ROBO2: variants seen among roughly 807,000 people sequenced by gnomAD.
The protein encoded by ROBO2 is roundabout homolog 2.
ROBO2 carries 53 observed loss-of-function variants against 160.8 expected under a neutral mutation model. That is an observed-to-expected ratio of 0.33 (90% CI 0.26 to 0.41). ROBO2 has a LOEUF of 0.41. Ranked by LOEUF, ROBO2 falls within the 10% of genes least tolerant of loss-of-function variation. The probability of loss-of-function intolerance (pLI) is 1.00; values close to 1 mark genes in which losing one functional copy is unlikely to be tolerated. For synonymous variants in ROBO2, 664 were observed against 611.7 expected (o/e 1.09, Z -1.26); for missense variants, 1,577 against 1,722.4 (o/e 0.92, Z 1.49).
intron 2 of ROBO2, among the ~76,000 whole-genome samples, chr3:77,341,287 A>C (rs1319004643): frequency 6.6e-6 from 1 of 152,106 alleles, no homozygotes; most frequent in Non-Finnish European, 1.5e-5. Context: ...CAGAGGTGAA[A>C]TCATTATATA....
chr3:77,431,162 C>T (rs1010052026), intron 2 of ROBO2, among the ~76,000 whole-genome samples: 1 of 152,152 alleles, frequency 6.6e-6, no homozygotes, highest in Non-Finnish European at 1.5e-5. Flanking sequence ...TGAGTTTCAG[C>T]CGGAGCTGGT....
intron 2 of ROBO2, among the ~76,000 whole-genome samples, chr3:76,582,319 C>T (rs1352649295): frequency 6.6e-6 from 1 of 152,012 alleles, no homozygotes; most frequent in Non-Finnish European, 1.5e-5. Context: ...GATGTTTAGC[C>T]TGCTAGTAAT....
chr3:76,397,545 A>G (rs1304421794), intron 2 of ROBO2, among the ~76,000 whole-genome samples: 2 of 151,242 alleles, frequency 1.3e-5, no homozygotes, highest in Non-Finnish European at 3.0e-5. Context: ...GCAACCTACA[A>G]AATGGGAGAA....
intron 2 of ROBO2, among the ~76,000 whole-genome samples, chr3:76,400,498 C>T (rs984597617): frequency 6.6e-6 from 1 of 151,428 alleles, no homozygotes; most frequent in Non-Finnish European, 1.5e-5. Context: ...TTGGTTTGGA[C>T]ACTGAAATAC....
intron 2 of ROBO2, among the ~76,000 whole-genome samples, chr3:77,154,231 TG>T (rs2077782934): frequency 6.6e-6 from 1 of 152,084 alleles, no homozygotes; most frequent in Non-Finnish European, 1.5e-5. Flanking sequence ...TTTCTAAACA[TG>T]GGTTTTTCTT....
chr3:77,391,305 C>CT, intron 2 of ROBO2, among the ~76,000 whole-genome samples: 1 of 151,998 alleles, frequency 6.6e-6, no homozygotes, highest in East Asian at 1.9e-4. Context: ...AAACAAAAAG[C>CT]TTTTTTAAGA....
intron 2 of ROBO2, among the ~76,000 whole-genome samples, chr3:76,223,308 C>T (rs1704086777): frequency 6.6e-6 from 1 of 151,794 alleles, no homozygotes; most frequent in Non-Finnish European, 1.5e-5. Context: ...GAGGCCATTA[C>T]TGTTTCCTGG....
chr3:77,571,563 G>A (rs1191656202), intron 13 of ROBO2, among the ~76,000 whole-genome samples: 1 of 152,040 alleles, frequency 6.6e-6, no homozygotes, highest in East Asian at 1.9e-4. Flanking sequence ...TGAGACCTAT[G>A]GCTGGAAGCC....
At chr3:76,486,331 A>G (rs1391046750) in intron 2 of ROBO2, among the ~76,000 whole-genome samples, 1 of 152,060 alleles carries the variant, frequency 6.6e-6, no homozygotes, top group African/African-American at 2.4e-5. Flanking sequence ...ACGATTAACT[A>G]CCTTGGGTTG....
chr3:77,522,418 A>G, intron 5 of ROBO2, among the ~76,000 whole-genome samples: 1 of 151,264 alleles, frequency 6.6e-6, no homozygotes, highest in East Asian at 1.9e-4. Flanking sequence ...AATGTGACTA[A>G]CAAACTAATG....
chr3:76,747,555 A>T (rs2108160161), intron 2 of ROBO2, among the ~76,000 whole-genome samples: 1 of 152,148 alleles, frequency 6.6e-6, no homozygotes, highest in South Asian at 2.1e-4. Context: ...TGAATATGTG[A>T]ATGAAACTGC....
chr3:77,542,607 G>A (rs955677695), intron 6 of ROBO2, among the ~76,000 whole-genome samples: 1 of 152,130 alleles, frequency 6.6e-6, no homozygotes, highest in African/African-American at 2.4e-5. Context: ...CCAGTATTGG[G>A]TAAAAGTTCC....
intron 22 of ROBO2, among the ~76,000 whole-genome samples, chr3:77,618,638 G>T (rs1483619860): frequency 2.6e-5 from 4 of 151,748 alleles, no homozygotes; most frequent in Non-Finnish European, 5.9e-5. Flanking sequence ...TTTTTAAATT[G>T]TTCTAGTCAT....
At chr3:77,334,214 C>T (rs1426865625) in intron 2 of ROBO2, among the ~76,000 whole-genome samples, 1 of 152,022 alleles carries the variant, frequency 6.6e-6, no homozygotes, top group Non-Finnish European at 1.5e-5. Context: ...ACAGGGTGGC[C>T]AGAGATTTTG....
At chr3:76,816,772 T>C (rs2065702295) in intron 2 of ROBO2, among the ~76,000 whole-genome samples, 1 of 152,016 alleles carries the variant, frequency 6.6e-6, no homozygotes, top group Admixed American at 6.6e-5. Flanking sequence ...CATGCACATA[T>C]ATGTTTATTG....
chr3:76,067,099 A>G (rs1169590176), intron 2 of ROBO2, among the ~76,000 whole-genome samples: 3 of 152,170 alleles, frequency 2.0e-5, no homozygotes, highest in African/African-American at 4.8e-5. Context: ...ATAGCTGAGC[A>G]AAGTGGTTCA....
At chr3:76,293,532 G>C (rs538887008) in intron 2 of ROBO2, among the ~76,000 whole-genome samples, 20 of 152,242 alleles carry the variant, frequency 1.3e-4, no homozygotes, top group African/African-American at 4.8e-4. Context: ...CCAAAAAAAA[G>C]TAATAAAAAT....
In ROBO2 at chr3:76,712,436, A is replaced by T. The variant is rs145701354; in HGVS notation, c.110-385578A>T. 3.0e-3 allele frequency among the ~76,000 whole-genome samples: 459 copies of T among 152,240 alleles called. 1 individual carries two copies. Among genetic ancestry groups the T allele is most frequent in the Non-Finnish European group, 3.6e-3 (242 of 68,020 alleles). Reference sequence around the variant, plus strand: ...ACACCTGTAATCTCAGCACTTTGGGAGGCCGAGGTGGGCGGATCACCTGAG... The same window carrying T: ...ACACCTGTAATCTCAGCACTTTGGGTGGCCGAGGTGGGCGGATCACCTGAG... On this transcript the variant is annotated intron_variant, in intron 2 of 26. Coordinates refer to the ROBO2 transcript ENST00000487694.
chr3:76,237,850 T>C lies in ROBO2; in HGVS notation c.109+300248T>C, dbSNP rs146653169. Among the ~76,000 whole-genome samples, 783 of 152,306 alleles carry C rather than the reference T, an allele frequency of 5.1e-3. 21 individuals are homozygous for C. The highest frequency in any genetic ancestry group is 0.042 in the Admixed American group (637 of 15,302). ...CAAGACTCAGGTATTTTCAACTGAT[T>C]ACAATGAACTCGTGTTCTAAGACAG... On this transcript the variant is annotated intron_variant, in intron 2 of 26. Transcript: ENST00000487694.
Sources: gnomAD v4.1 joint callset for allele counts (sites outside exome capture counted in the v4.1 genomes callset) on GRCh38, gnomAD v4.1.1 for gene constraint, MANE v1.5 for transcripts, NCBI Gene and HGNC (gene_info 2026-07-23, HGNC 2026-07-21) for gene names.